The following PHACTR4 variants were observed in gnomAD, a reference collection of about 807,000 sequenced individuals.
PHACTR4 encodes the protein phosphatase and actin regulator 4, also known as protein phosphatase 1, regulatory subunit 124.
In PHACTR4, 51 loss-of-function variants were observed where a neutral mutation model predicts 72.7. The observed-to-expected ratio is 0.70, with a 90% CI of 0.56 to 0.89. PHACTR4 has a LOEUF of 0.89. Among genes scored for constraint, PHACTR4 ranks in the 40% least tolerant of loss-of-function variants. The pLI, the probability that PHACTR4 is intolerant of heterozygous loss-of-function variation, is 0.00. For missense variants in PHACTR4, 731 were observed against 861.8 expected (o/e 0.85, Z 1.90); for synonymous variants, 255 against 302.5 (o/e 0.84, Z 1.63).
At chr1:28,371,049 G>A (rs1039129669) in intron 1 of PHACTR4, among the ~76,000 whole-genome samples, 9 of 152,214 alleles carry the variant, frequency 5.9e-5, no homozygotes, top group Admixed American at 3.3e-4. Context: ...CTAGATAATG[G>A]TAACTGTGTA....
rs144971446 is a variant in PHACTR4, at chr1:28,457,796, G to A, written c.17-1289G>A. On this transcript the variant is annotated intron_variant, in intron 2 of 13. Coordinates refer to ENST00000373839, the MANE Select transcript of PHACTR4 (RefSeq NM_001048183.3). ...GAGGTTCCACTTTAATTTCAGGATG[G>A]TTTTTCCACATGACTCTTTTTTTCT... 6.1e-6 allele frequency: 6 copies of A among 984,346 alleles called. No individual in the cohort carries two copies. In the African/African-American group the frequency reaches 1.1e-4, roughly 17 times the overall value. The allele number at this position is 984,346 out of a possible 1,614,324, so 61.0% of individuals were successfully genotyped here. A position where few individuals can be genotyped will look rare whatever the true frequency, so the allele number is the denominator to read the frequency against.
intron 6 of PHACTR4, among the ~76,000 whole-genome samples, chr1:28,471,111 G>T (rs1165175273): frequency 6.6e-6 from 1 of 152,160 alleles, no homozygotes; most frequent in African/African-American, 2.4e-5. Context: ...ACTTTGGGAG[G>T]CCGAGGCGGG....
At chr1:28,373,663 C>T (rs1651421515) in intron 1 of PHACTR4, among the ~76,000 whole-genome samples, 1 of 151,956 alleles carries the variant, frequency 6.6e-6, no homozygotes, top group African/African-American at 2.4e-5. Flanking sequence ...TTGGCTCAGG[C>T]GATCCTCTCA....
At chr1:28,442,317 A>G (rs1304072895) in intron 2 of PHACTR4, among the ~76,000 whole-genome samples, 1 of 151,856 alleles carries the variant, frequency 6.6e-6, no homozygotes, top group South Asian at 2.1e-4. Flanking sequence ...TACAAAAATT[A>G]GCTGAGCATG....
At chr1:28,416,253 A>T (rs1305523017) in intron 2 of PHACTR4, among the ~76,000 whole-genome samples, 1 of 152,166 alleles carries the variant, frequency 6.6e-6, no homozygotes, top group African/African-American at 2.4e-5. Context: ...AATTTAATAT[A>T]GCATTATTAT....
intron 2 of PHACTR4, among the ~76,000 whole-genome samples, chr1:28,427,939 AG>A (rs1174223923): frequency 6.6e-6 from 1 of 152,246 alleles, no homozygotes; most frequent in African/African-American, 2.4e-5. Context: ...GAGTTAGATT[AG>A]TTATATAGAG....
intron 8 of PHACTR4, among the ~76,000 whole-genome samples, chr1:28,478,092 T>G (rs973901518): frequency 1.3e-5 from 2 of 152,166 alleles, no homozygotes; most frequent in Non-Finnish European, 2.9e-5. Context: ...ACCATTTTAT[T>G]TATTACCTCC....
intron 2 of PHACTR4, among the ~76,000 whole-genome samples, chr1:28,435,571 T>C (rs181629701): frequency 3.9e-5 from 6 of 152,364 alleles, no homozygotes; most frequent in Non-Finnish European, 8.8e-5. Flanking sequence ...AGCCTTGTAC[T>C]AGTAATTGTT....
intron 2 of PHACTR4, chr1:28,432,914 ATT>A (rs66647759): frequency 9.4e-5 from 15 of 159,010 alleles, no homozygotes; most frequent in African/African-American, 1.7e-4. Context: ...TAATTTTTGT[ATT>A]TTTTTTTTTT....
At chr1:28,443,824 T>C (rs1657226524) in intron 2 of PHACTR4, among the ~76,000 whole-genome samples, 1 of 152,192 alleles carries the variant, frequency 6.6e-6, no homozygotes, top group Admixed American at 6.6e-5. Context: ...CATTCATCTG[T>C]TGTTGAACAC....
intron 1 of PHACTR4, among the ~76,000 whole-genome samples, chr1:28,392,715 T>A (rs572328182): frequency 8.9e-4 from 135 of 152,146 alleles, no homozygotes; most frequent in Non-Finnish European, 1.3e-3. Context: ...AGTGTATCCT[T>A]TAAGCAAAAA....
intron 1 of PHACTR4, among the ~76,000 whole-genome samples, chr1:28,399,958 T>C (rs749978776): frequency 4.1e-4 from 63 of 152,290 alleles, no homozygotes; most frequent in Middle Eastern, 3.4e-3. Flanking sequence ...ATGTGCTTGT[T>C]ATGTTACAGA....
At chr1:28,445,100 G>A (rs796145198) in intron 2 of PHACTR4, among the ~76,000 whole-genome samples, 13 of 151,154 alleles carry the variant, frequency 8.6e-5, no homozygotes, top group Admixed American at 1.3e-4. Flanking sequence ...GATTACAGGC[G>A]CCTGCCAGCA....
intron 2 of PHACTR4, among the ~76,000 whole-genome samples, chr1:28,408,842 A>ATT (rs112708658): frequency 0.015 from 1,995 of 130,380 alleles, 56 homozygotes; most frequent in African/African-American, 0.051. Context: ...TGCCCGACTG[A>ATT]TTTTTTTTTT....
At chr1:28,453,379 A>T (rs1658118705) in intron 2 of PHACTR4, among the ~76,000 whole-genome samples, 1 of 152,214 alleles carries the variant, frequency 6.6e-6, no homozygotes. Flanking sequence ...AGCAGAGAAG[A>T]GTCATGACAT....
chr1:28,476,787 T>TTTTTTTTTTTTTTTTTTG (rs1659951822), intron 8 of PHACTR4, among the ~76,000 whole-genome samples: 5 of 143,498 alleles, frequency 3.5e-5, no homozygotes, highest in Non-Finnish European at 6.1e-5. Flanking sequence ...TTTTTTTTTT[T>TTTTTTTTTTTTTTTTTTG]GAGACGGAGT....
chr1:28,372,710 G>C (rs1235975574), intron 1 of PHACTR4, among the ~76,000 whole-genome samples: 1 of 151,900 alleles, frequency 6.6e-6, no homozygotes, highest in East Asian at 1.9e-4. Flanking sequence ...AAATTAGCCA[G>C]GTGTGGTGGT....
intron 2 of PHACTR4, among the ~76,000 whole-genome samples, chr1:28,418,156 C>G (rs1157369097): frequency 6.6e-6 from 1 of 151,198 alleles, no homozygotes; most frequent in Non-Finnish European, 1.5e-5. Flanking sequence ...TAAATGCTGA[C>G]AAAGATAGTA....
At chr1:28,418,217 C>T (rs1346417646) in intron 2 of PHACTR4, among the ~76,000 whole-genome samples, 1 of 151,560 alleles carries the variant, frequency 6.6e-6, no homozygotes, top group Non-Finnish European at 1.5e-5. Context: ...TATCCCAGCA[C>T]ATTGGGAAGC....
Sources: allele counts gnomAD v4.1 joint callset (sites outside exome capture counted in the v4.1 genomes callset), GRCh38; gene constraint gnomAD v4.1.1; transcripts MANE v1.5; gene names NCBI Gene and HGNC (gene_info 2026-07-23, HGNC 2026-07-21).